The following MED12L variants were observed in gnomAD, a reference collection of about 807,000 sequenced individuals.
MED12L encodes mediator of RNA polymerase II transcription subunit 12-like protein.
In MED12L, 60 loss-of-function variants were observed where a neutral mutation model predicts 281.3. That is an observed-to-expected ratio of 0.21 (90% confidence interval 0.17 to 0.26). The LOEUF (loss-of-function observed/expected upper bound fraction) is 0.26, where lower values mean the gene tolerates loss of function less well. MED12L is among the 10% of genes least tolerant of loss of function. MED12L has a pLI of 1.00. For synonymous variants in MED12L, 974 were observed against 987.2 expected, an observed-to-expected ratio of 0.99 and a Z score of 0.25; for missense variants, 2,146 against 2,680.9, an observed-to-expected ratio of 0.80 and a Z score of 4.41.
At chr3:151,198,599 A>C in intron 16 of MED12L, 2 of 1,614,008 alleles carry the variant, frequency 1.2e-6, no homozygotes, top group Non-Finnish European at 1.7e-6. Flanking sequence ...GGCTTTGAAG[A>C]GTGAAATCCT....
chr3:151,297,433 A>G (rs1745253156), intron 16 of MED12L, among the ~76,000 whole-genome samples: 1 of 151,412 alleles, frequency 6.6e-6, no homozygotes, highest in African/African-American at 2.4e-5. Flanking sequence ...AAATAGAGAG[A>G]GGACATGTGA....
At chr3:151,269,710 C>T (rs1740520206) in intron 16 of MED12L, 1 of 417,418 alleles carries the variant, frequency 2.4e-6, no homozygotes, top group African/African-American at 2.1e-5. Context: ...TGATGAAAAT[C>T]TTTAGTTTGA....
chr3:151,285,393 G>C (rs1743341695), intron 16 of MED12L, among the ~76,000 whole-genome samples: 1 of 152,002 alleles, frequency 6.6e-6, no homozygotes, highest in Non-Finnish European at 1.5e-5. Flanking sequence ...GCTGAGGCAG[G>C]ACGAGAATGG....
At chr3:151,416,160 A>G in intron 42 of MED12L, 152 bp from the exon 43 acceptor site, 1 of 1,421,114 alleles carries the variant, frequency 7.0e-7, no homozygotes, top group African/African-American at 1.4e-5. Context: ...AAAAGGACGA[A>G]TGAGGTTCAG....
intron 43 of MED12L, among the ~76,000 whole-genome samples, chr3:151,417,569 T>A (rs1577603921): frequency 8.1e-6 from 1 of 123,990 alleles, no homozygotes; most frequent in East Asian, 2.7e-4. Flanking sequence ...CACTGCAACC[T>A]CCTCCTCCCA....
intron 16 of MED12L, among the ~76,000 whole-genome samples, chr3:151,308,676 A>C (rs1336747239): frequency 2.0e-5 from 3 of 152,174 alleles, no homozygotes; most frequent in Admixed American, 1.3e-4. Context: ...TGGCTTAAGC[A>C]TTCTACTTAA....
intron 38 of MED12L, among the ~76,000 whole-genome samples, chr3:151,391,401 C>G (rs1409714751): frequency 3.3e-5 from 5 of 152,150 alleles, no homozygotes; most frequent in African/African-American, 1.2e-4. Flanking sequence ...TACTTTCTCA[C>G]TGGGGCCTTT....
chr3:151,227,046 CAGG>C (rs1233795552), intron 16 of MED12L, among the ~76,000 whole-genome samples: 3 of 152,184 alleles, frequency 2.0e-5, no homozygotes, highest in African/African-American at 7.2e-5. Context: ...TTTTCTCTGG[CAGG>C]AGATGTGAGC....
At chr3:151,198,358 T>A in intron 16 of MED12L, 2 of 1,059,448 alleles carry the variant, frequency 1.9e-6, no homozygotes, top group Non-Finnish European at 2.6e-6. Context: ...TTTTTTTTTA[T>A]CTTTCAAAGC....
chr3:151,156,272 T>C lies in MED12L; in HGVS notation c.668T>C (p.Val223Ala). 6.2e-7 allele frequency: 1 copy of C among 1,612,980 alleles called. No individual in the cohort carries two copies. Among genetic ancestry groups the C allele is most frequent in the Non-Finnish European group, 8.5e-7 (1 of 1,179,592 alleles). Reference sequence around the variant, plus strand: ...GGCCCTGTCCCTGTGCCACCAGAGGTGGAGCAAGCCATGAAGCAATGGGAA... The same window carrying C: ...GGCCCTGTCCCTGTGCCACCAGAGGCGGAGCAAGCCATGAAGCAATGGGAA... ...GDGPVPVPPEVEQAMKQWEYN... is the reference protein window; with the variant it reads ...GDGPVPVPPEAEQAMKQWEYN... The change falls in exon 6 of 45, where the codon GTG becomes GCG. Residue 223 changes from valine (V) to alanine (A), a missense_variant. By Grantham distance (64) the Val-to-Ala change is moderately conservative. This residue lies in a region of MED12L where 722 missense variants were observed against 861.2 expected (regional missense o/e 0.84). Transcript: ENST00000687756.
rs761280014 is a variant in MED12L, at chr3:151,164,035, A to T, written c.1250A>T (p.Asn417Ile). The change falls in exon 9 of 45, where the codon AAT (asparagine) becomes ATT (isoleucine). Residue 417 changes from asparagine (N) to isoleucine (I), a missense_variant. Physicochemically the swap from Asn to Ile is moderately radical, Grantham distance 149. Transcript: ENST00000687756. ...LPMPGGNTAF[N>I]QQVRARIYEV... ...ATGCCGGGTGGGAACACGGCTTTCA[A>T]TCAGCAGGTAGACTTTATGTTTCAG... The T allele has an allele frequency of 1.9e-6, 3 of 1,613,016 alleles. No individual in the cohort carries two copies. In the Admixed American group the frequency reaches 5.0e-5, roughly 27 times the overall value.
chr3:151,144,068 C>A (rs1466033347), intron 5 of MED12L, among the ~76,000 whole-genome samples: 1 of 152,124 alleles, frequency 6.6e-6, no homozygotes, highest in Non-Finnish European at 1.5e-5. Context: ...AGGAGCTGAG[C>A]CTGTTGGTGG....
chr3:151,249,836 A>G (rs1049598056), intron 16 of MED12L, among the ~76,000 whole-genome samples: 2 of 152,178 alleles, frequency 1.3e-5, no homozygotes, highest in African/African-American at 4.8e-5. Context: ...TAATACAGTC[A>G]TAATACATCT....
chr3:151,210,904 T>A (rs1303618438), intron 16 of MED12L, among the ~76,000 whole-genome samples: 1 of 152,234 alleles, frequency 6.6e-6, no homozygotes, highest in African/African-American at 2.4e-5. Flanking sequence ...TTACAGTGCC[T>A]TCTGCAGGCA....
chr3:151,386,558 T>G (rs2108190351), intron 36 of MED12L, among the ~76,000 whole-genome samples: 1 of 148,814 alleles, frequency 6.7e-6, no homozygotes, highest in South Asian at 2.2e-4. Flanking sequence ...CCCAGCTAAT[T>G]TTTTTTTGTT....
At chr3:151,166,699 A>C (rs1024282627) in intron 11 of MED12L, among the ~76,000 whole-genome samples, 32 of 151,032 alleles carry the variant, frequency 2.1e-4, no homozygotes, top group South Asian at 2.1e-4. Flanking sequence ...TTTTAAAGAC[A>C]GAGTCTCACA....
chr3:151,149,961 G>T (rs1345192896), intron 5 of MED12L, among the ~76,000 whole-genome samples: 3 of 152,168 alleles, frequency 2.0e-5, no homozygotes, highest in African/African-American at 7.2e-5. Context: ...CACATCTGTT[G>T]CTGTCTCCTC....
intron 28 of MED12L, 108 bp from the exon 29 acceptor site, chr3:151,376,692 T>G: frequency 1.1e-6 from 1 of 883,410 alleles, no homozygotes; most frequent in Non-Finnish European, 1.8e-6. Context: ...ATTATTTCAT[T>G]GTGTATGATT....
At chr3:151,100,593 C>CA (rs1170094507) in intron 2 of MED12L, among the ~76,000 whole-genome samples, 3 of 152,108 alleles carry the variant, frequency 2.0e-5, no homozygotes, top group African/African-American at 7.2e-5. Context: ...TTAATATTGA[C>CA]ATTGCTTAGG....
Sources: allele counts gnomAD v4.1 joint callset (sites outside exome capture counted in the v4.1 genomes callset), GRCh38; gene constraint gnomAD v4.1.1; regional missense constraint gnomAD v4.1.1; transcripts MANE v1.5; gene names NCBI Gene and HGNC (gene_info 2026-07-23, HGNC 2026-07-21).